ASIC2: variants seen among roughly 807,000 people sequenced by gnomAD.
ASIC2 encodes the protein acid-sensing ion channel 2.
Under a neutral mutation model 57.3 loss-of-function variants are expected in ASIC2, and 25 were observed. The ratio of observed to expected loss-of-function variants is 0.44; its 90% CI spans 0.32 to 0.61. ASIC2 has a LOEUF of 0.61. ASIC2 is among the 20% of genes least tolerant of loss of function. ASIC2 has a pLI of 0.06. For missense variants in ASIC2, 641 were observed against 738.1 expected, an observed-to-expected ratio of 0.87 and a Z score of 1.52; for synonymous variants, 319 against 307.5, an observed-to-expected ratio of 1.04 and a Z score of -0.39.
intron 1 of ASIC2, among the ~76,000 whole-genome samples, chr17:33,252,626 C>T (rs1291132106): frequency 2.6e-5 from 4 of 152,050 alleles, no homozygotes; most frequent in Non-Finnish European, 4.4e-5. Context: ...CGTAGTGCAA[C>T]TTGGTGCAGC....
intron 1 of ASIC2, among the ~76,000 whole-genome samples, chr17:33,231,158 G>A (rs1908076310): frequency 6.6e-6 from 1 of 152,188 alleles, no homozygotes; most frequent in South Asian, 2.1e-4. Context: ...TGCTAACTAT[G>A]CTGCCCAGCA....
intron 1 of ASIC2, among the ~76,000 whole-genome samples, chr17:33,514,636 C>T (rs183307581): frequency 2.9e-4 from 44 of 152,270 alleles, no homozygotes; most frequent in African/African-American, 7.7e-4. Context: ...CCAAGAATTA[C>T]GGATCTTTTT....
At chr17:33,399,025 C>T (rs1360308483) in intron 1 of ASIC2, among the ~76,000 whole-genome samples, 2 of 152,046 alleles carry the variant, frequency 1.3e-5, no homozygotes, top group African/African-American at 2.4e-5. Flanking sequence ...TTTGTGGTGG[C>T]CATTTTCTAC....
At chr17:34,107,500 T>A (rs575205004) in intron 1 of ASIC2, among the ~76,000 whole-genome samples, 2 of 152,260 alleles carry the variant, frequency 1.3e-5, no homozygotes, top group African/African-American at 2.4e-5. Context: ...CAGAGTAAGA[T>A]CCTGTCTCAA....
intron 1 of ASIC2, among the ~76,000 whole-genome samples, chr17:33,881,014 T>C (rs1914685591): frequency 6.6e-6 from 1 of 152,184 alleles, no homozygotes; most frequent in South Asian, 2.1e-4. Context: ...AAAAACCACA[T>C]GATTATCTCA....
chr17:33,134,257 T>C (rs2092358989), intron 1 of ASIC2, among the ~76,000 whole-genome samples: 1 of 152,246 alleles, frequency 6.6e-6, no homozygotes, highest in Admixed American at 6.5e-5. Context: ...AAGGTAGAGC[T>C]GGGATTCACA....
intron 1 of ASIC2, among the ~76,000 whole-genome samples, chr17:33,543,332 T>C (rs1357619489): frequency 6.6e-6 from 1 of 152,182 alleles, no homozygotes; most frequent in African/African-American, 2.4e-5. Context: ...TCAGTTTGTG[T>C]GCCAGGGACA....
intron 1 of ASIC2, among the ~76,000 whole-genome samples, chr17:33,187,203 A>T (rs1268840175): frequency 6.6e-6 from 1 of 152,216 alleles, no homozygotes; most frequent in African/African-American, 2.4e-5. Context: ...GAAAGGGCTC[A>T]GTTCTTCTCC....
At chr17:33,859,524 C>G (rs1357035813) in intron 1 of ASIC2, among the ~76,000 whole-genome samples, 2 of 152,188 alleles carry the variant, frequency 1.3e-5, no homozygotes, top group East Asian at 3.9e-4. Flanking sequence ...GAGCAACTGA[C>G]AGAACTTATG....
intron 1 of ASIC2, among the ~76,000 whole-genome samples, chr17:34,043,021 A>G (rs1908195673): frequency 1.3e-5 from 2 of 152,248 alleles, no homozygotes; most frequent in Non-Finnish European, 2.9e-5. Context: ...GCTGAGCAAA[A>G]TAAGTTAGAC....
In ASIC2 at chr17:33,452,738, GGT is replaced by G. The variant is rs35126239; in HGVS notation, c.556-340673_556-340672del. Reference sequence around the variant, plus strand: ...GTTTTCTTTGTTTGGAACAGAGTGGGGTGTGTGTGTGTGTGTGTGTGTGTGTG... The same window carrying G: ...GTTTTCTTTGTTTGGAACAGAGTGGGGTGTGTGTGTGTGTGTGTGTGTGTG... On this transcript the variant is annotated intron_variant, in intron 1 of 9. Transcript: ENST00000359872. Among the ~76,000 whole-genome samples, 579 of 140,478 alleles carry G rather than the reference GGT, an allele frequency of 4.1e-3. 1 individual carries two copies. The highest frequency in any genetic ancestry group is 6.7e-3 in the East Asian group (32 of 4,746). 92.2% of individuals were successfully genotyped at this position (140,478 alleles called of 152,430 possible).
intron 1 of ASIC2, among the ~76,000 whole-genome samples, chr17:33,862,933 G>T (rs1914135637): frequency 6.6e-6 from 1 of 152,178 alleles, no homozygotes; most frequent in Non-Finnish European, 1.5e-5. Context: ...AGCTCTCAGA[G>T]CAGGGGAGGG....
At chr17:33,384,525 G>A (rs1275992822) in intron 1 of ASIC2, among the ~76,000 whole-genome samples, 1 of 152,130 alleles carries the variant, frequency 6.6e-6, no homozygotes, top group African/African-American at 2.4e-5. Flanking sequence ...AAAATTCCAA[G>A]TTATGTCTGT....
intron 1 of ASIC2, among the ~76,000 whole-genome samples, chr17:33,375,656 A>G (rs575377827): frequency 6.6e-6 from 1 of 152,328 alleles, no homozygotes; most frequent in African/African-American, 2.4e-5. Context: ...TGGAGGCTCC[A>G]AAGTCATCCA....
chr17:33,405,815 G>T (rs767463067), intron 1 of ASIC2, among the ~76,000 whole-genome samples: 1 of 151,978 alleles, frequency 6.6e-6, no homozygotes, highest in Non-Finnish European at 1.5e-5. Context: ...AAACTAACCA[G>T]TTCAGAGCCC....
chr17:33,297,067 A>G (rs548058477), upstream of ASIC2, among the ~76,000 whole-genome samples: 5,754 of 152,270 alleles, frequency 0.038, 351 homozygotes, highest in African/African-American at 0.13. Flanking sequence ...CCACACAAAA[A>G]TAACTTTGGT....
At chr17:34,021,837 G>GTTTTTTTTTTT (rs11394863) in intron 1 of ASIC2, among the ~76,000 whole-genome samples, 9 of 118,320 alleles carry the variant, frequency 7.6e-5, no homozygotes, top group African/African-American at 1.2e-4. Flanking sequence ...GTTTTGTTTT[G>GTTTTTTTTTTT]TTTTTTTTTT....
chr17:33,250,405 T>A lies in ASIC2; in HGVS notation c.708+41003A>T, dbSNP rs375995151. Reference sequence around the variant, plus strand: ...CAGCACTTCGCTACCATCTTGTAAATGTGTGCCCAGCAGGGCCAGGGAAGA... The same window carrying A: ...CAGCACTTCGCTACCATCTTGTAAAAGTGTGCCCAGCAGGGCCAGGGAAGA... On this transcript the variant is annotated intron_variant, in intron 1 of 9. Transcript: ENST00000225823. 2.6e-5 allele frequency among the ~76,000 whole-genome samples: 4 copies of A among 152,174 alleles called. No individual in the cohort carries two copies. In the South Asian group the frequency reaches 8.3e-4, roughly 32 times the overall value.
chr17:33,693,744 A>T (rs1156612007), intron 1 of ASIC2, among the ~76,000 whole-genome samples: 2 of 152,208 alleles, frequency 1.3e-5, no homozygotes, highest in Non-Finnish European at 2.9e-5. Flanking sequence ...GAGGGGCTAT[A>T]AAGAGCCATG....
Sources: gnomAD v4.1 joint callset for allele counts (sites outside exome capture counted in the v4.1 genomes callset) on GRCh38, gnomAD v4.1.1 for gene constraint, MANE v1.5 for transcripts, NCBI Gene and HGNC (gene_info 2026-07-23, HGNC 2026-07-21) for gene names.